CLIC5: variants seen among roughly 807,000 people sequenced by gnomAD.
CLIC5 encodes chloride intracellular channel protein 5.
A neutral mutation model predicts 24.7 loss-of-function variants in CLIC5; 20 were observed. The observed-to-expected ratio is 0.81, with a 90% CI of 0.57 to 1.18. The LOEUF (loss-of-function observed/expected upper bound fraction) is 1.18, where lower values mean the gene tolerates loss of function less well. Ranked by LOEUF, CLIC5 falls within the 50% of genes most tolerant of loss-of-function variation. The pLI is 0.00. For missense variants in CLIC5, 341 were observed against 326.1 expected, an observed-to-expected ratio of 1.05 and a Z score of -0.35; for synonymous variants, 159 against 135.6, an observed-to-expected ratio of 1.17 and a Z score of -1.20.
chr6:46,039,311 G>T (rs1182766467), intron 1 of CLIC5, among the ~76,000 whole-genome samples: 1 of 151,948 alleles, frequency 6.6e-6, no homozygotes, highest in Non-Finnish European at 1.5e-5. Context: ...ATGACATTCA[G>T]TTAAAAGCAG....
chr6:46,040,988 T>C (rs1581891758), intron 1 of CLIC5, among the ~76,000 whole-genome samples: 2 of 152,152 alleles, frequency 1.3e-5, no homozygotes, highest in African/African-American at 4.8e-5. Flanking sequence ...GGTCTGTAAA[T>C]AGTATAGCAG....
intron 1 of CLIC5, among the ~76,000 whole-genome samples, chr6:46,050,506 G>A (rs1450230072): frequency 1.3e-5 from 2 of 152,192 alleles, no homozygotes; most frequent in African/African-American, 2.4e-5. Flanking sequence ...TAGTTGCCAA[G>A]TTTGAATCAT....
upstream of CLIC5, among the ~76,000 whole-genome samples, chr6:46,084,038 T>C (rs190102601): frequency 6.6e-6 from 1 of 152,358 alleles, no homozygotes; most frequent in East Asian, 1.9e-4. Flanking sequence ...AATGGCCTTC[T>C]TTGTCTCTTT....
upstream of CLIC5, among the ~76,000 whole-genome samples, chr6:46,081,743 T>C (rs113124804): frequency 3.0e-3 from 455 of 152,296 alleles, 1 homozygote; most frequent in African/African-American, 9.8e-3. Context: ...TTGAAAAAAA[T>C]TTAAACCTAG....
intron 1 of CLIC5, among the ~76,000 whole-genome samples, chr6:46,037,082 A>G (rs1767683812): frequency 6.6e-6 from 1 of 152,020 alleles, no homozygotes; most frequent in Non-Finnish European, 1.5e-5. Flanking sequence ...TACAGATGCC[A>G]TGTGTCATTT....
chr6:45,958,401 A>G, intron 1 of CLIC5, among the ~76,000 whole-genome samples: 1 of 77,372 alleles, frequency 1.3e-5, no homozygotes, highest in Non-Finnish European at 2.8e-5. Flanking sequence ...TGATGCAATC[A>G]GGGAAGTGTC....
At chr6:46,050,604 GC>G (rs1343421379) in intron 1 of CLIC5, among the ~76,000 whole-genome samples, 1 of 152,176 alleles carries the variant, frequency 6.6e-6, no homozygotes, top group Non-Finnish European at 1.5e-5. Context: ...AGATGCACTG[GC>G]CTTCCAAACA....
At chr6:45,948,955 G>A (rs1369254556) in intron 3 of CLIC5, among the ~76,000 whole-genome samples, 1 of 152,124 alleles carries the variant, frequency 6.6e-6, no homozygotes, top group African/African-American at 2.4e-5. Flanking sequence ...GAGCTGGAGA[G>A]AAGGAACATA....
chr6:45,916,456 C>A (rs1363378906), intron 4 of CLIC5, among the ~76,000 whole-genome samples: 2 of 152,146 alleles, frequency 1.3e-5, no homozygotes. Flanking sequence ...CCCTTTCATT[C>A]CTGGAGATTA....
intron 1 of CLIC5, among the ~76,000 whole-genome samples, chr6:46,065,351 T>G (rs1762414149): frequency 6.6e-6 from 1 of 151,624 alleles, no homozygotes; most frequent in Non-Finnish European, 1.5e-5. Context: ...TCAAGGTTTT[T>G]TTTTTTTTTT....
the CLIC5 span, among the ~76,000 whole-genome samples, chr6:46,111,739 C>T: frequency 6.6e-6 from 1 of 152,096 alleles, no homozygotes; most frequent in Non-Finnish European, 1.5e-5. Flanking sequence ...GTGTCCCCAC[C>T]CAAATCTCAT....
At chr6:45,906,509 C>T (rs1329180263) in intron 5 of CLIC5, among the ~76,000 whole-genome samples, 2 of 151,028 alleles carry the variant, frequency 1.3e-5, no homozygotes, top group Non-Finnish European at 2.9e-5. Flanking sequence ...CTTGATTTGG[C>T]TCTCAACTTT....
At chr6:46,076,090 G>C (rs1054219041) in intron 1 of CLIC5, among the ~76,000 whole-genome samples, 2 of 152,158 alleles carry the variant, frequency 1.3e-5, no homozygotes, top group Non-Finnish European at 2.9e-5. Context: ...TTATAAAAAG[G>C]TGGCCATACT....
chr6:45,912,190 C>A (rs1415778261), intron 5 of CLIC5: 3 of 986,602 alleles, frequency 3.0e-6, no homozygotes, highest in Middle Eastern at 5.2e-4. Flanking sequence ...GCTTCCCCTT[C>A]GCTCTTTGTG....
intron 2 of CLIC5, among the ~76,000 whole-genome samples, chr6:45,952,768 C>T (rs772769369): frequency 8.5e-5 from 13 of 152,114 alleles, no homozygotes; most frequent in African/African-American, 2.9e-4. Flanking sequence ...CTGAAGCACG[C>T]GGGCAGGGGT....
chr6:46,070,120 T>C (rs1003493241), intron 1 of CLIC5, among the ~76,000 whole-genome samples: 2 of 152,164 alleles, frequency 1.3e-5, no homozygotes, highest in Non-Finnish European at 2.9e-5. Flanking sequence ...AACATCATAC[T>C]GAATGAACAA....
the CLIC5 span, chr6:46,129,452 G>C: frequency 1.3e-5 from 2 of 152,332 alleles, no homozygotes; most frequent in East Asian, 3.9e-4. Flanking sequence ...CTCATTACTG[G>C]TTCCCTGCCG....
chr6:46,060,684 G>A (rs901860172), intron 1 of CLIC5, among the ~76,000 whole-genome samples: 3 of 152,090 alleles, frequency 2.0e-5, no homozygotes, highest in Admixed American at 6.5e-5. Context: ...GCTGAGGCCT[G>A]GAATCTCTTC....
In CLIC5 at chr6:46,050,853, A is replaced by ATGTGTGTGTGTGTGTG. The variant is rs56660827; in HGVS notation, c.540+28834_540+28849dup. Among the ~76,000 whole-genome samples the ATGTGTGTGTGTGTGTG allele has an allele frequency of 1.7e-3, 250 of 148,676 alleles. 2 individuals carry two copies. The highest frequency in any genetic ancestry group is 3.0e-3 in the Non-Finnish European group (201 of 67,328). ...TATTTAAGGTATAAAGTGTGTGTGT[A>ATGTGTGTGTGTGTGTG]TGTGTGTGTGTGTGTGTGTGTGTGC... On this transcript the variant is annotated intron_variant, in intron 1 of 5. Coordinates refer to the CLIC5 transcript ENST00000185206.
Sources: allele counts gnomAD v4.1 joint callset (sites outside exome capture counted in the v4.1 genomes callset), GRCh38; gene constraint gnomAD v4.1.1; transcripts MANE v1.5; gene names NCBI Gene and HGNC (gene_info 2026-07-23, HGNC 2026-07-21).